The following GEMIN7 variants were observed in gnomAD, a reference collection of about 807,000 sequenced individuals.
GEMIN7 encodes the protein gem-associated protein 7.
GEMIN7 carries 7 observed loss-of-function variants against 7.8 expected under a neutral mutation model. The observed-to-expected ratio is 0.90, with a 90% CI of 0.51 to 1.69. GEMIN7 has a LOEUF of 1.69. Ranked by LOEUF, GEMIN7 falls within the 40% of genes most tolerant of loss-of-function variation. GEMIN7 has a pLI of 0.00. For missense variants in GEMIN7, 159 were observed against 176.2 expected (o/e 0.90, Z 0.55); for synonymous variants, 68 against 72.4 (o/e 0.94, Z 0.31).
intron 2 of GEMIN7, among the ~76,000 whole-genome samples, chr19:45,086,572 G>GT (rs1600141585): frequency 2.6e-5 from 4 of 152,176 alleles, no homozygotes; most frequent in Admixed American, 2.6e-4. Context: ...CGCCCTGTGA[G>GT]TTAGGGCTCT....
In GEMIN7 at chr19:45,087,685, A is replaced by C. The variant is rs188237931; in HGVS notation, c.-8-2422A>C. On this transcript the variant is annotated intron_variant, in intron 2 of 2. Coordinates refer to ENST00000270257, the MANE Select transcript of GEMIN7 (RefSeq NM_024707.3). ...CGTGGTACACCACGAGGGTGCCGGC[A>C]GGATCCAGAGCTAAGACAGAAGCCA... Among the ~76,000 whole-genome samples the C allele has an allele frequency of 1.0e-3, 155 of 152,242 alleles. 2 individuals are homozygous for C. The highest frequency in any genetic ancestry group is 3.3e-3 in the African/African-American group (136 of 41,528).
chr19:45,080,374 ATTTTTTTT>A (rs765472967), intron 2 of GEMIN7, among the ~76,000 whole-genome samples: 40 of 134,878 alleles, frequency 3.0e-4, no homozygotes, highest in Middle Eastern at 7.8e-3. Context: ...CAAGGAAATG[ATTTTTTTT>A]TTTTTTTTTT....
chr19:45,084,045 T>C (rs1409463716), intron 2 of GEMIN7, among the ~76,000 whole-genome samples: 1 of 151,776 alleles, frequency 6.6e-6, no homozygotes, highest in Non-Finnish European at 1.5e-5. Context: ...ACCCCGTCTC[T>C]ACTGAAAATA....
At chr19:45,080,374 A>AT (rs765472967) in intron 2 of GEMIN7, among the ~76,000 whole-genome samples, 13,854 of 134,826 alleles carry the variant, frequency 0.1, 724 homozygotes, top group Middle Eastern at 0.13. Flanking sequence ...CAAGGAAATG[A>AT]TTTTTTTTTT....
At chr19:45,086,993 C>G (rs1157039682) in intron 2 of GEMIN7, among the ~76,000 whole-genome samples, 2 of 151,688 alleles carry the variant, frequency 1.3e-5, no homozygotes, top group African/African-American at 4.9e-5. Context: ...ATTACAGGCA[C>G]GTGCCACCAT....
At chr19:45,076,612 C>T (rs750952355), upstream of GEMIN7, 64 of 331,738 alleles carry the variant, frequency 1.9e-4, no homozygotes, top group Non-Finnish European at 2.9e-4. The surrounding 1 kb of genome is among the most constrained non-coding windows in gnomAD (Gnocchi z 4.9). Context: ...TAGGCAGTGT[C>T]CCGTGCGTTT....
intron 2 of GEMIN7, among the ~76,000 whole-genome samples, chr19:45,083,221 G>T (rs1410779005): frequency 6.6e-6 from 1 of 152,234 alleles, no homozygotes. Flanking sequence ...TGAACTGGGG[G>T]TGGGTCACCT....
chr19:45,083,762 G>A (rs1000646217), intron 2 of GEMIN7, among the ~76,000 whole-genome samples: 2 of 150,544 alleles, frequency 1.3e-5, no homozygotes, highest in Admixed American at 1.3e-4. Flanking sequence ...CCTTTGCCCA[G>A]CTAATTTTTC....
At chr19:45,086,755 A>G (rs1171034623) in intron 2 of GEMIN7, among the ~76,000 whole-genome samples, 1 of 152,174 alleles carries the variant, frequency 6.6e-6, no homozygotes, top group Non-Finnish European at 1.5e-5. Flanking sequence ...AATTGGGGCT[A>G]TTTTTCCATA....
At chr19:45,077,249 G>C (rs1451650010), upstream of GEMIN7, among the ~76,000 whole-genome samples, 1 of 152,186 alleles carries the variant, frequency 6.6e-6, no homozygotes. Context: ...GTTTTCCTGA[G>C]ACCGGAGCCT....
At chr19:45,088,907 C>T (rs1967793777) in intron 2 of GEMIN7, among the ~76,000 whole-genome samples, 1 of 150,958 alleles carries the variant, frequency 6.6e-6, no homozygotes, top group Non-Finnish European at 1.5e-5. Flanking sequence ...TATGTAGATA[C>T]CTTATACTTC....
upstream of GEMIN7, chr19:45,076,117 T>A (rs770183398): frequency 6.4e-7 from 1 of 1,570,128 alleles, no homozygotes; most frequent in East Asian, 2.3e-5. This position sits in a 1 kb window ranked among gnomAD's most constrained non-coding sequence, Gnocchi z 4.9. Context: ...GGTCCACGGG[T>A]TCCGCGGGCC....
At position 45,090,435 on chromosome 19, in the gene GEMIN7, G is replaced by A; in HGVS notation, c.321G>A (p.Leu107=). ...LDVANFYVSQ[L]QTPIGVQAEA... ...TGGCCAACTTCTACGTGTCACAGCTGCAGACTCCCATAGGTGTGCAAGCAG... is the reference window on the plus strand; with the variant it reads ...TGGCCAACTTCTACGTGTCACAGCTACAGACTCCCATAGGTGTGCAAGCAG... The change falls in exon 3 of 3, where the codon CTG becomes CTA. Residue 107 remains leucine, a synonymous_variant. Coordinates refer to ENST00000270257, the MANE Select transcript of GEMIN7 (RefSeq NM_024707.3). 6.2e-7 allele frequency: 1 copy of A among 1,614,088 alleles called. No homozygotes were observed. Among genetic ancestry groups the A allele is most frequent in the Non-Finnish European group, 8.5e-7 (1 of 1,180,034 alleles).
chr19:45,080,767 T>TG (rs1254447808), intron 2 of GEMIN7, among the ~76,000 whole-genome samples: 2 of 123,966 alleles, frequency 1.6e-5, no homozygotes, highest in African/African-American at 5.1e-5. Flanking sequence ...TGTTTTTTGT[T>TG]TTTTTTTTTT....
At chr19:45,076,156 A>G (rs1483117204), upstream of GEMIN7, 1 of 1,545,198 alleles carries the variant, frequency 6.5e-7, no homozygotes, top group South Asian at 1.2e-5. This position sits in a 1 kb window ranked among gnomAD's most constrained non-coding sequence, Gnocchi z 4.9. Flanking sequence ...CCCGGCGGGC[A>G]TGGGGCCAGG....
chr19:45,086,024 C>T (rs1441547157), intron 2 of GEMIN7, among the ~76,000 whole-genome samples: 8 of 151,604 alleles, frequency 5.3e-5, no homozygotes, highest in African/African-American at 1.5e-4. Context: ...ACTGCCACCA[C>T]GCCCGGCTAA....
In GEMIN7 at chr19:45,090,133, A is replaced by G. The variant is rs1456792841; in HGVS notation, c.19A>G (p.Ile7Val). Residue 7 changes from isoleucine to valine, a missense_variant, in exon 3 of 3, where the codon ATT (isoleucine) becomes GTT (valine). Physicochemically the swap from Ile to Val is conservative, Grantham distance 29. Transcript: ENST00000270257. ...CAAGACAATGCAAACTCCAGTGAAC[A>G]TTCCCGTGCCTGTGCTCCGGCTGCC... is the stretch of plus-strand genomic sequence containing the variant. MQTPVN[I>V]PVPVLRLPRG... 6 of 1,612,488 alleles carry G rather than the reference A, an allele frequency of 3.7e-6. No individual in the cohort carries two copies. Among genetic ancestry groups the G allele is most frequent in the Non-Finnish European group, 5.1e-6 (6 of 1,179,052 alleles).
At chr19:45,076,736 C>G (rs1466586237), upstream of GEMIN7, 1 of 212,358 alleles carries the variant, frequency 4.7e-6, no homozygotes, top group African/African-American at 2.3e-5. This position sits in a 1 kb window ranked among gnomAD's most constrained non-coding sequence, Gnocchi z 4.9. Flanking sequence ...CACGCACCCC[C>G]AAGCGAGAAA....
chr19:45,084,786 A>G (rs1332521774), intron 2 of GEMIN7, among the ~76,000 whole-genome samples: 1 of 151,858 alleles, frequency 6.6e-6, no homozygotes, highest in Non-Finnish European at 1.5e-5. Flanking sequence ...ACAGAGTTTC[A>G]CTCTTGTTGC....
Sources: allele counts gnomAD v4.1 joint callset (sites outside exome capture counted in the v4.1 genomes callset), GRCh38; gene constraint gnomAD v4.1.1; non-coding constraint Gnocchi (gnomAD v3.1); transcripts MANE v1.5; gene names NCBI Gene and HGNC (gene_info 2026-07-23, HGNC 2026-07-21).